NXN: variants seen among roughly 807,000 people sequenced by gnomAD.
The protein encoded by NXN is nucleoredoxin 1.
A neutral mutation model predicts 48.6 loss-of-function variants in NXN; 16 were observed. The ratio of observed to expected loss-of-function variants is 0.33; its 90% CI spans 0.22 to 0.50. NXN has a LOEUF of 0.50. Among genes scored for constraint, NXN ranks in the 20% least tolerant of loss-of-function variants. The pLI is 0.98. For synonymous variants in NXN, 281 were observed against 269.6 expected, an observed-to-expected ratio of 1.04 and a Z score of -0.41; for missense variants, 492 against 605.5, an observed-to-expected ratio of 0.81 and a Z score of 1.97.
chr17:971,233 A>T, intron 1 of NXN, among the ~76,000 whole-genome samples: 1 of 150,454 alleles, frequency 6.6e-6, no homozygotes, highest in East Asian at 2.0e-4. Flanking sequence ...GGCGTGAGCC[A>T]CCGCGCGTGG....
chr17:837,139 C>T (rs994659224), intron 1 of NXN, among the ~76,000 whole-genome samples: 1 of 152,096 alleles, frequency 6.6e-6, no homozygotes, highest in Non-Finnish European at 1.5e-5. Context: ...CACCATGCCT[C>T]ACTAATTTTT....
chr17:974,448 AAATG>A (rs1352368254), intron 1 of NXN, among the ~76,000 whole-genome samples: 7 of 152,106 alleles, frequency 4.6e-5, no homozygotes, highest in African/African-American at 1.7e-4. Flanking sequence ...TCAAGCTATG[AAATG>A]AATGACTAAA....
At chr17:820,103 G>A (rs531695646) in intron 4 of NXN, among the ~76,000 whole-genome samples, 50 of 152,134 alleles carry the variant, frequency 3.3e-4, no homozygotes, top group Non-Finnish European at 6.3e-4. Flanking sequence ...AGGAACCTAC[G>A]GAGTGATGAA....
At chr17:841,746 G>A (rs1190968372) in intron 1 of NXN, among the ~76,000 whole-genome samples, 5 of 151,886 alleles carry the variant, frequency 3.3e-5, no homozygotes, top group African/African-American at 1.2e-4. Flanking sequence ...GAGCCCAGGA[G>A]TGTCCACTTC....
chr17:896,196 C>T (rs892939380), intron 1 of NXN, among the ~76,000 whole-genome samples: 1 of 151,722 alleles, frequency 6.6e-6, no homozygotes, highest in African/African-American at 2.4e-5. Flanking sequence ...AAAAATTAGC[C>T]GGGCGTGGTG....
At chr17:807,930 G>C (rs1481549299) in intron 5 of NXN, among the ~76,000 whole-genome samples, 1 of 152,202 alleles carries the variant, frequency 6.6e-6, no homozygotes, top group African/African-American at 2.4e-5. Context: ...TATCACAGAT[G>C]GGGCGGGCAG....
Position 805,052 on chromosome 17 carries a change from C to G in NXN, c.1000+16G>C. On this transcript the variant is annotated intron_variant, in intron 6 of 7. Transcript: ENST00000336868. ...CCCCAGCCACCCCTCGCCCCCTGCC[C>G]CCGTGAGCTTCATACCTACAAAAAG... 1 of 1,558,068 alleles carries G rather than the reference C, an allele frequency of 6.4e-7. No individual in the cohort carries two copies. Among genetic ancestry groups the G allele is most frequent in the Non-Finnish European group, 8.7e-7 (1 of 1,152,200 alleles).
intron 1 of NXN, among the ~76,000 whole-genome samples, chr17:827,976 G>A (rs1913223567): frequency 6.6e-6 from 1 of 152,194 alleles, no homozygotes; most frequent in South Asian, 2.1e-4. Context: ...AGGGCTGTGG[G>A]ACCCCACTTC....
chr17:936,169 T>C (rs903094136), intron 1 of NXN, among the ~76,000 whole-genome samples: 1 of 151,266 alleles, frequency 6.6e-6, no homozygotes, highest in African/African-American at 2.4e-5. Context: ...CTGGAGTGTG[T>C]CCCTCTCACC....
At chr17:829,517 G>A (rs1913334510) in intron 1 of NXN, among the ~76,000 whole-genome samples, 2 of 148,150 alleles carry the variant, frequency 1.3e-5, no homozygotes, top group Middle Eastern at 3.4e-3. Context: ...GGTTTGTTAC[G>A]TAGGAATACA....
chr17:854,458 C>T (rs1413208988), intron 1 of NXN, among the ~76,000 whole-genome samples: 1 of 147,188 alleles, frequency 6.8e-6, no homozygotes, highest in Non-Finnish European at 1.5e-5. Flanking sequence ...ACCATCCTGG[C>T]TAACACGGTG....
At chr17:858,499 T>G (rs7212354) in intron 1 of NXN, among the ~76,000 whole-genome samples, 24,231 of 151,462 alleles carry the variant, frequency 0.16, 2,530 homozygotes, top group African/African-American at 0.29. Context: ...AGGCTGAGGC[T>G]GGTAGATCAC....
chr17:957,493 G>A (rs1203340820), intron 1 of NXN, among the ~76,000 whole-genome samples: 4 of 152,050 alleles, frequency 2.6e-5, no homozygotes, highest in Non-Finnish European at 4.4e-5. Context: ...TTACCTGAGC[G>A]TGGTGGTGCA....
chr17:885,106 G>A (rs1003662850), intron 1 of NXN, among the ~76,000 whole-genome samples: 3 of 152,228 alleles, frequency 2.0e-5, no homozygotes, highest in African/African-American at 7.2e-5. Context: ...GTCCAGGAAA[G>A]GGTCTCATTC....
intron 1 of NXN, among the ~76,000 whole-genome samples, chr17:964,700 A>G (rs2069281487): frequency 6.6e-6 from 1 of 152,226 alleles, no homozygotes; most frequent in Non-Finnish European, 1.5e-5. Flanking sequence ...TTAGGTGGTC[A>G]AAGACACTTG....
intron 1 of NXN, among the ~76,000 whole-genome samples, chr17:972,937 A>G (rs1478904005): frequency 6.6e-6 from 1 of 151,854 alleles, no homozygotes; most frequent in East Asian, 1.9e-4. Context: ...AGGCTGAGGC[A>G]GGAGAATGGC....
Position 832,353 on chromosome 17 carries a change from A to ATT in NXN, c.361-6277_361-6276dup, listed in dbSNP as rs577293334. Reference sequence around the variant, plus strand: ...CCACCACACCCAGCTACTATTTTGTATTTTTTTTTTTTTTAGTAGAGACGG... The same window carrying ATT: ...CCACCACACCCAGCTACTATTTTGTATTTTTTTTTTTTTTTTAGTAGAGACGG... On this transcript the variant is annotated intron_variant, in intron 1 of 7. Transcript: ENST00000336868. Among the ~76,000 whole-genome samples the ATT allele has an allele frequency of 1.0e-3, 145 of 143,420 alleles. No homozygotes were observed. In the East Asian group the frequency reaches 0.012, roughly 12 times the overall value. The allele number at this position is 143,420 out of a possible 152,430, so 94.1% of individuals were successfully genotyped here.
rs1246216996 is a variant in NXN at position 958,285 on chromosome 17, G to T, written c.360+21034C>A. Among the ~76,000 whole-genome samples the T allele has an allele frequency of 2.0e-5, 3 of 152,092 alleles. No individual in the cohort carries two copies. Among genetic ancestry groups the T allele is most frequent in the Non-Finnish European group, 4.4e-5 (3 of 68,022 alleles). ...CCCAACAAGACATGACGGTGAGCAA[G>T]GTTACTCATCTTCCGAAAATGCTAA... On this transcript the variant is annotated intron_variant, in intron 1 of 7. Coordinates refer to ENST00000336868, the MANE Select transcript of NXN (RefSeq NM_022463.5). The surrounding 1 kb of genome is among the most constrained non-coding windows in gnomAD (Gnocchi z 6.9).
At chr17:814,758 G>A (rs575692618) in intron 5 of NXN, among the ~76,000 whole-genome samples, 2 of 152,236 alleles carry the variant, frequency 1.3e-5, no homozygotes, top group Admixed American at 1.3e-4. Flanking sequence ...GGGCGCAGTG[G>A]CTCACGCCTG....
Sources: allele counts gnomAD v4.1 joint callset (sites outside exome capture counted in the v4.1 genomes callset), GRCh38; gene constraint gnomAD v4.1.1; non-coding constraint Gnocchi (gnomAD v3.1); transcripts MANE v1.5; gene names NCBI Gene and HGNC (gene_info 2026-07-23, HGNC 2026-07-21).